Variants in UTRN observed in about 807,000 individuals in gnomAD.
UTRN encodes the protein dystrophin-related protein 1.
A neutral mutation model predicts 463.9 loss-of-function variants in UTRN; 283 were observed. The observed-to-expected ratio is 0.61, with a 90% CI of 0.55 to 0.67. UTRN has a LOEUF of 0.67. Among genes scored for constraint, UTRN ranks in the 30% least tolerant of loss-of-function variants. The probability of loss-of-function intolerance (pLI) is 0.00; values close to 1 mark genes in which losing one functional copy is unlikely to be tolerated. For synonymous variants in UTRN, 1,442 were observed against 1,431.5 expected, an observed-to-expected ratio of 1.01 and a Z score of -0.17; for missense variants, 3,922 against 4,084.3, an observed-to-expected ratio of 0.96 and a Z score of 1.08.
chr6:144,565,337 A>G (rs1189353464), intron 50 of UTRN, among the ~76,000 whole-genome samples: 2 of 152,286 alleles, frequency 1.3e-5, no homozygotes, highest in Non-Finnish European at 1.5e-5. Context: ...TAAATAGGCA[A>G]TTATGTATGT....
At chr6:144,383,490 G>T (rs1408873028) in intron 2 of UTRN, among the ~76,000 whole-genome samples, 1 of 152,232 alleles carries the variant, frequency 6.6e-6, no homozygotes, top group Non-Finnish European at 1.5e-5. Flanking sequence ...GGCAGCTTCT[G>T]TCTTCCTGGA....
intron 52 of UTRN, among the ~76,000 whole-genome samples, chr6:144,696,602 C>A (rs1476094513): frequency 1.3e-5 from 2 of 151,970 alleles, no homozygotes; most frequent in African/African-American, 4.8e-5. Flanking sequence ...TGTTCTTGGA[C>A]TAATAAAGGT....
At chr6:144,637,893 T>A (rs960033335) in intron 51 of UTRN, among the ~76,000 whole-genome samples, 6 of 152,220 alleles carry the variant, frequency 3.9e-5, no homozygotes, top group South Asian at 2.1e-4. Flanking sequence ...AAAATCTTTT[T>A]AAAAAGTTTT....
At chr6:144,608,207 G>T (rs367569595) in intron 51 of UTRN, among the ~76,000 whole-genome samples, 11 of 152,262 alleles carry the variant, frequency 7.2e-5, no homozygotes, top group East Asian at 5.8e-4. Context: ...GGCCTTAATA[G>T]AAAAAGACTG....
intron 51 of UTRN, among the ~76,000 whole-genome samples, chr6:144,617,942 T>C (rs1232356226): frequency 1.3e-5 from 2 of 152,154 alleles, no homozygotes; most frequent in East Asian, 3.9e-4. Context: ...TTCCAGATAA[T>C]CAAAAAAGCC....
chr6:144,496,676 G>C (rs1157804625), intron 33 of UTRN, among the ~76,000 whole-genome samples: 1 of 152,178 alleles, frequency 6.6e-6, no homozygotes, highest in Admixed American at 6.5e-5. Context: ...GGAACTTAGG[G>C]TAGTGAAAGA....
intron 66 of UTRN, among the ~76,000 whole-genome samples, chr6:144,824,614 C>CTCT (rs1315487327): frequency 2.9e-4 from 9 of 30,874 alleles, no homozygotes; most frequent in Admixed American, 7.5e-4. Context: ...ATATATATAT[C>CTCT]TTTTTTTTTT....
Position 144,533,141 on chromosome 6 carries a change from T to G in UTRN, c.6114T>G (p.Thr2038=), listed in dbSNP as rs1181987352. The G allele has an allele frequency of 3.1e-6, 5 of 1,613,898 alleles. No individual in the cohort carries two copies. The South Asian group carries it at 5.5e-5, about 18-fold the overall frequency. The change falls in exon 43 of 75, where the codon ACT becomes ACG. Residue 2038 remains threonine, a synonymous_variant. Transcript: ENST00000367545. ...CCAGTTTTGCAGCACTAAACCGAAC[T>G]GGGGATGGGATTGTGCAGAAACTCT... is the stretch of plus-strand genomic sequence containing the variant. The part of the protein sequence containing the change: ...HQPSFAALNR[T]GDGIVQKLSQ...
intron 74 of UTRN, among the ~76,000 whole-genome samples, chr6:144,849,486 T>TTTACAAAGAGCTAATTGAG (rs1782303193): frequency 1.3e-5 from 2 of 152,242 alleles, no homozygotes; most frequent in African/African-American, 4.8e-5. Flanking sequence ...AGAAATTGAG[T>TTTACAAAGAGCTAATTGAG]TTACAAAGAG....
At chr6:144,449,155 T>C (rs1787993757) in intron 17 of UTRN, among the ~76,000 whole-genome samples, 1 of 152,188 alleles carries the variant, frequency 6.6e-6, no homozygotes, top group Admixed American at 6.5e-5. Flanking sequence ...CCCCAGTTTT[T>C]ATTGTCAGAA....
chr6:144,328,024 A>G (rs1249939096), intron 2 of UTRN, among the ~76,000 whole-genome samples: 1 of 152,160 alleles, frequency 6.6e-6, no homozygotes, highest in Non-Finnish European at 1.5e-5. Context: ...TCCAACTGCT[A>G]GGCTAGAACT....
intron 50 of UTRN, among the ~76,000 whole-genome samples, chr6:144,568,982 G>T (rs1040204772): frequency 4.6e-5 from 7 of 152,050 alleles, no homozygotes; most frequent in African/African-American, 1.7e-4. Context: ...AATAAAGTAT[G>T]AATACGTGTT....
chr6:144,739,796 A>T (rs919047864), intron 54 of UTRN, among the ~76,000 whole-genome samples: 1 of 152,178 alleles, frequency 6.6e-6, no homozygotes, highest in South Asian at 2.1e-4. Flanking sequence ...TAGATCCAGA[A>T]TATTCCAGGA....
At chr6:144,549,390 A>G (rs1008951861) in intron 47 of UTRN, among the ~76,000 whole-genome samples, 4 of 152,232 alleles carry the variant, frequency 2.6e-5, no homozygotes, top group Non-Finnish European at 4.4e-5. Context: ...GGGAAACTAC[A>G]ATGAAATAAT....
At chr6:144,545,474 GTCT>G (rs761954527) in intron 46 of UTRN, among the ~76,000 whole-genome samples, 2 of 152,038 alleles carry the variant, frequency 1.3e-5, no homozygotes, top group African/African-American at 4.8e-5. Flanking sequence ...AAATACACTG[GTCT>G]TCTTGCTGTT....
In UTRN at chr6:144,453,817, A is replaced by G. The variant is rs758532196; in HGVS notation, c.2232A>G (p.Arg744=). ...LEKEQRERIP[R]ADELNQTGQI... The stretch of plus-strand genomic sequence containing the variant: ...AAGAACAGAGAGAAAGAATCCCCAG[A>G]GCAGATGAATTAAACCAAACTGGAC... Residue 744 remains arginine (R), a synonymous_variant, in exon 19 of 75, where the codon AGA becomes AGG. Coordinates refer to ENST00000367545, the MANE Select transcript of UTRN (RefSeq NM_007124.3). The G allele has an allele frequency of 5.0e-6, 8 of 1,613,654 alleles. No homozygotes were observed. In the East Asian group the frequency reaches 1.8e-4, roughly 36 times the overall value.
At chr6:144,399,098 A>G (rs1782709934) in intron 2 of UTRN, among the ~76,000 whole-genome samples, 1 of 152,082 alleles carries the variant, frequency 6.6e-6, no homozygotes, top group Non-Finnish European at 1.5e-5. Flanking sequence ...TTTGAAAGAA[A>G]CTCAGGGAGG....
At chr6:144,476,092 T>C (rs543161505) in intron 25 of UTRN, among the ~76,000 whole-genome samples, 5 of 148,628 alleles carry the variant, frequency 3.4e-5, no homozygotes, top group African/African-American at 1.2e-4. Flanking sequence ...AAAACAAAAA[T>C]TGTAGAGATG....
chr6:144,791,930 A>G (rs1776793947), intron 62 of UTRN, among the ~76,000 whole-genome samples: 1 of 152,186 alleles, frequency 6.6e-6, no homozygotes, highest in Non-Finnish European at 1.5e-5. Context: ...TATTATACAT[A>G]TGCATCAACT....
Sources: allele counts gnomAD v4.1 joint callset (sites outside exome capture counted in the v4.1 genomes callset), GRCh38; gene constraint gnomAD v4.1.1; transcripts MANE v1.5; gene names NCBI Gene and HGNC (gene_info 2026-07-23, HGNC 2026-07-21).